Variants in THG1L observed in about 807,000 individuals in gnomAD.
The protein encoded by THG1L is tRNA-histidine guanylyltransferase 1 like.
Under a neutral mutation model 35.2 loss-of-function variants are expected in THG1L, and 27 were observed. The observed-to-expected ratio is 0.77, with a 90% CI of 0.57 to 1.06. The LOEUF (loss-of-function observed/expected upper bound fraction) is 1.06. Among genes scored for constraint, THG1L ranks in the 50% least tolerant of loss-of-function variants. The pLI is 0.00. For synonymous variants in THG1L, 135 were observed against 132.4 expected, an observed-to-expected ratio of 1.02 and a Z score of -0.14; for missense variants, 377 against 371.8, an observed-to-expected ratio of 1.01 and a Z score of -0.12.
chr5:157,735,997 C>T (rs1460057827), intron 4 of THG1L, 63 bp downstream of exon 4: 1 of 1,115,310 alleles, frequency 9.0e-7, no homozygotes, highest in African/African-American at 1.6e-5. Flanking sequence ...TCTCCCATAA[C>T]TTTTTTTTTG....
chr5:157,734,742 G>A lies in THG1L; in HGVS notation c.535G>A (p.Asp179Asn), dbSNP rs1760827833. Residue 179 changes from aspartate (D) to asparagine (N), a missense_variant, in exon 3 of 6, where the codon GAT becomes AAT. Transcript: ENST00000231198. ...LKDYLSWRQA[D>N]CHINNLYNTV... is the part of the protein sequence containing the mutation. Reference sequence around the variant, plus strand: ...GGACTACCTCAGCTGGCGACAAGCAGATTGTGAGTGGCACCAAATAAACAC... The same window carrying A: ...GGACTACCTCAGCTGGCGACAAGCAAATTGTGAGTGGCACCAAATAAACAC... The A allele has an allele frequency of 6.2e-7, 1 of 1,614,030 alleles. No individual in the cohort carries two copies. Among genetic ancestry groups the A allele is most frequent in the Non-Finnish European group, 8.5e-7 (1 of 1,180,032 alleles).
rs1373369783 is a variant in THG1L at position 157,734,824 on chromosome 5, C to T, written c.538+79C>T. ...AGGTGTTGATCTGATACAGGATTGG[C>T]TCACATATACTTTGTTTCAACATAT... is the stretch of plus-strand genomic sequence containing the variant. On this transcript the variant is annotated intron_variant, in intron 3 of 5. Transcript: ENST00000231198. 3 of 1,514,650 alleles carry T rather than the reference C, an allele frequency of 2.0e-6. No homozygotes were observed. The South Asian group carries it at 3.5e-5, about 18-fold the overall frequency. 93.8% of individuals were successfully genotyped at this position (1,514,650 alleles called of 1,614,324 possible).
chr5:157,738,640 G>A (rs546456282), intron 5 of THG1L: 26 of 436,070 alleles, frequency 6.0e-5, no homozygotes, highest in Non-Finnish European at 1.2e-4. Context: ...AGTACCTTGA[G>A]AGCTAGTCAT....
At chr5:157,731,702 G>A in intron 1 of THG1L, 71 bp downstream of exon 1, 7 of 1,524,104 alleles carry the variant, frequency 4.6e-6, no homozygotes, top group South Asian at 2.6e-5. Flanking sequence ...TCCCTTGCAA[G>A]TCCTCCCGCC....
Position 157,731,629 on chromosome 5 carries a change from T to A in THG1L, c.189T>A (p.His63Gln), listed in dbSNP as rs555987351. 8.3e-5 allele frequency: 132 copies of A among 1,595,060 alleles called. 1 individual carries two copies. In the South Asian group the frequency reaches 1.5e-3, roughly 18 times the overall value. Reference protein sequence around the residue: ...VVVRLDGRNFHRFAEKHNFAK... With the variant: ...VVVRLDGRNFQRFAEKHNFAK... Reference sequence around the variant, plus strand: ...TGCGGCTGGACGGCCGGAATTTCCATCGGTGAGCGAGCTCGACTCGGGGCG... The same window carrying A: ...TGCGGCTGGACGGCCGGAATTTCCAACGGTGAGCGAGCTCGACTCGGGGCG... The change falls in exon 1 of 6, where the codon CAT becomes CAA. Residue 63 changes from histidine (H) to glutamine (Q), a missense_variant and splice_region_variant. By Grantham distance (24) the His-to-Gln change is conservative (BLOSUM62 0). Coordinates refer to ENST00000231198, the MANE Select transcript of THG1L (RefSeq NM_017872.5).
At chr5:157,732,243 A>AG (rs1345521520) in intron 1 of THG1L, among the ~76,000 whole-genome samples, 2 of 90,544 alleles carry the variant, frequency 2.2e-5, no homozygotes, top group Non-Finnish European at 4.5e-5. Context: ...AAAAAAAAAA[A>AG]AGAGAGAGAG....
At chr5:157,731,712 CCGCT>C in intron 1 of THG1L, 81 bp downstream of exon 1, 5 of 1,497,348 alleles carry the variant, frequency 3.3e-6, no homozygotes, top group Non-Finnish European at 4.5e-6. Context: ...GTCCTCCCGC[CCGCT>C]CCAGTCACGG....
Position 157,732,850 on chromosome 5 carries a change from CCT to C in THG1L, c.192-17_192-16del. 1 of 1,613,742 alleles carries C rather than the reference CCT, an allele frequency of 6.2e-7. No individual in the cohort carries two copies. The highest frequency in any genetic ancestry group is 8.5e-7 in the Non-Finnish European group (1 of 1,179,754). ...ACAGGCTTCCATCCATGCTTTCTTC[CCT>C]TTTTCCCCTGTGAAGGTTTGCTGAG... On this transcript the variant is annotated splice_polypyrimidine_tract_variant and intron_variant, in intron 1 of 5. Coordinates refer to ENST00000231198, the MANE Select transcript of THG1L (RefSeq NM_017872.5).
chr5:157,732,583 T>A (rs1760757433), intron 1 of THG1L, among the ~76,000 whole-genome samples: 1 of 152,224 alleles, frequency 6.6e-6, no homozygotes, highest in Non-Finnish European at 1.5e-5. Flanking sequence ...ATTACTTTTA[T>A]CTTCTCCCTA....
Position 157,732,813 on chromosome 5 carries a change from G to C in THG1L, c.192-55G>C. 5 of 1,597,038 alleles carry C rather than the reference G, an allele frequency of 3.1e-6. No homozygotes were observed. In the South Asian group the frequency reaches 5.6e-5, roughly 18 times the overall value. ...AGCCTCTGTTATCTAGCAACAGAGCGTGTTGTTAATGACAGGCTTCCATCC... is the reference window on the plus strand; with the variant it reads ...AGCCTCTGTTATCTAGCAACAGAGCCTGTTGTTAATGACAGGCTTCCATCC... On this transcript the variant is annotated intron_variant, in intron 1 of 5. Transcript: ENST00000231198.
intron 4 of THG1L, 97 bp from the exon 5 acceptor site, chr5:157,737,790 T>C: frequency 1.1e-6 from 1 of 888,704 alleles, no homozygotes; most frequent in South Asian, 1.7e-5. Context: ...CTTCCACTTC[T>C]TGATTGTGGA....
intron 5 of THG1L, among the ~76,000 whole-genome samples, chr5:157,738,455 A>G (rs889359869): frequency 6.6e-6 from 1 of 152,230 alleles, no homozygotes; most frequent in Non-Finnish European, 1.5e-5. Context: ...CTTGACATTC[A>G]TACTTAGCTT....
chr5:157,733,699 G>A (rs969506320), intron 2 of THG1L, among the ~76,000 whole-genome samples: 3 of 152,234 alleles, frequency 2.0e-5, no homozygotes, highest in East Asian at 3.9e-4. Flanking sequence ...CAGATCAGGC[G>A]TGGTGGCTCA....
chr5:157,738,106 A>T (rs71591350), intron 5 of THG1L, 112 bp downstream of exon 5: 12,432 of 778,908 alleles, frequency 0.016, 129 homozygotes, highest in Middle Eastern at 0.033. Flanking sequence ...CCAGTTGCTA[A>T]TGCAAACCTT....
chr5:157,736,408 C>T (rs1760890602), intron 4 of THG1L, among the ~76,000 whole-genome samples: 1 of 152,166 alleles, frequency 6.6e-6, no homozygotes, highest in South Asian at 2.1e-4. Flanking sequence ...TGCCACCACA[C>T]CCAGCTAATT....
chr5:157,735,633 T>C (rs187481805), intron 3 of THG1L, among the ~76,000 whole-genome samples: 1 of 152,354 alleles, frequency 6.6e-6, no homozygotes, highest in East Asian at 1.9e-4. Flanking sequence ...GTAACTGAAA[T>C]GACCAAATAA....
chr5:157,735,098 C>T (rs886737002), intron 3 of THG1L, among the ~76,000 whole-genome samples: 3 of 152,002 alleles, frequency 2.0e-5, no homozygotes, highest in Admixed American at 6.6e-5. Context: ...CCACCACGCC[C>T]GGCTGATTCT....
In THG1L at chr5:157,734,838, GT is replaced by G. The variant is rs1421813078; in HGVS notation, c.538+96del. ...TACAGGATTGGCTCACATATACTTTGTTTCAACATATACGTTGTACAGAATG... is the reference window on the plus strand; with the variant it reads ...TACAGGATTGGCTCACATATACTTTGTTCAACATATACGTTGTACAGAATG... On this transcript the variant is annotated intron_variant, in intron 3 of 5. Transcript: ENST00000231198. The G allele has an allele frequency of 9.5e-5, 134 of 1,405,500 alleles. No homozygotes were observed. In the East Asian group the frequency reaches 3.1e-3, roughly 33 times the overall value. 87.1% of individuals were successfully genotyped at this position (1,405,500 alleles called of 1,614,324 possible).
At chr5:157,731,655 T>C (rs373164676) in intron 1 of THG1L, 24 bp downstream of exon 1, 51 of 1,576,712 alleles carry the variant, frequency 3.2e-5, no homozygotes, top group Non-Finnish European at 4.4e-5. Context: ...ACTCGGGGCG[T>C]CGCGATGCGC....
Sources: allele counts gnomAD v4.1 joint callset (sites outside exome capture counted in the v4.1 genomes callset), GRCh38; gene constraint gnomAD v4.1.1; transcripts MANE v1.5; gene names NCBI Gene and HGNC (gene_info 2026-07-23, HGNC 2026-07-21).